Variants in SH3GL2 observed in about 807,000 individuals in gnomAD.
SH3GL2 encodes the protein SH3 domain containing GRB2 like 2, endophilin A1.
Under a neutral mutation model 46.0 loss-of-function variants are expected in SH3GL2, and 24 were observed. The observed-to-expected ratio is 0.52, with a 90% CI of 0.38 to 0.73. The LOEUF is 0.73. Among genes scored for constraint, SH3GL2 ranks in the 30% least tolerant of loss-of-function variants. The probability of loss-of-function intolerance (pLI) is 0.00; values close to 1 mark genes in which losing one functional copy is unlikely to be tolerated. For missense variants in SH3GL2, 413 were observed against 424.2 expected (o/e 0.97, Z 0.23); for synonymous variants, 196 against 147.1 (o/e 1.33, Z -2.40).
intron 1 of SH3GL2, among the ~76,000 whole-genome samples, chr9:17,705,661 A>G (rs921555203): frequency 4.6e-5 from 7 of 152,074 alleles, no homozygotes; most frequent in East Asian, 3.9e-4. Flanking sequence ...AGCAACATGC[A>G]TGGAGCTGGA....
At chr9:17,713,419 C>A (rs1413645076) in intron 1 of SH3GL2, among the ~76,000 whole-genome samples, 5 of 150,828 alleles carry the variant, frequency 3.3e-5, no homozygotes, top group African/African-American at 1.2e-4. Context: ...TGGCTTTGAG[C>A]TTTATTATTT....
At chr9:17,791,016 A>G (rs929829234) in intron 6 of SH3GL2, among the ~76,000 whole-genome samples, 3 of 152,164 alleles carry the variant, frequency 2.0e-5, no homozygotes, top group Non-Finnish European at 2.9e-5. Flanking sequence ...TGGTACTGAT[A>G]CGCATGATTC....
At chr9:17,677,353 C>G (rs143477522) in intron 1 of SH3GL2, among the ~76,000 whole-genome samples, 1 of 152,076 alleles carries the variant, frequency 6.6e-6, no homozygotes, top group Non-Finnish European at 1.5e-5. Flanking sequence ...ATACGGTACT[C>G]TCACATTGTG....
chr9:17,636,242 C>G (rs187195889), intron 1 of SH3GL2, among the ~76,000 whole-genome samples: 2 of 152,168 alleles, frequency 1.3e-5, no homozygotes, highest in Admixed American at 6.5e-5. Flanking sequence ...GAATGCATTT[C>G]TAGGCCCTAG....
intron 2 of SH3GL2, 102 bp from the exon 3 acceptor site, chr9:17,761,335 G>C (rs1823165260): frequency 5.3e-6 from 4 of 754,520 alleles, no homozygotes; most frequent in South Asian, 1.5e-5. Context: ...ACTTGTCCGG[G>C]GCTCTGTTGC....
intron 1 of SH3GL2, among the ~76,000 whole-genome samples, chr9:17,726,342 T>G (rs1310482474): frequency 1.3e-5 from 2 of 152,178 alleles, no homozygotes; most frequent in African/African-American, 4.8e-5. Context: ...GTTCCCTGTC[T>G]CCAGTAATAT....
At chr9:17,682,997 A>G (rs1173243906) in intron 1 of SH3GL2, among the ~76,000 whole-genome samples, 1 of 152,160 alleles carries the variant, frequency 6.6e-6, no homozygotes, top group African/African-American at 2.4e-5. Context: ...ATAGTATACA[A>G]AATGACTTTT....
At chr9:17,751,391 A>C (rs1390022462) in intron 2 of SH3GL2, among the ~76,000 whole-genome samples, 1 of 152,160 alleles carries the variant, frequency 6.6e-6, no homozygotes, top group Non-Finnish European at 1.5e-5. Context: ...TAATGAGTAG[A>C]AACCATGGGG....
chr9:17,665,496 C>G (rs1220952142), intron 1 of SH3GL2, among the ~76,000 whole-genome samples: 1 of 151,954 alleles, frequency 6.6e-6, no homozygotes, highest in African/African-American at 2.4e-5. Context: ...TAATAGTATT[C>G]AGGTGTTTAT....
At chr9:17,601,101 G>A (rs145616942) in intron 1 of SH3GL2, among the ~76,000 whole-genome samples, 1 of 152,122 alleles carries the variant, frequency 6.6e-6, no homozygotes, top group African/African-American at 2.4e-5. Context: ...CATGTGTGGT[G>A]GTGTTTCTAC....
At chr9:17,607,660 G>T (rs554489058) in intron 1 of SH3GL2, among the ~76,000 whole-genome samples, 2 of 152,242 alleles carry the variant, frequency 1.3e-5, no homozygotes, top group African/African-American at 4.8e-5. Flanking sequence ...ATGGTTCATT[G>T]TTCACATTCT....
chr9:17,746,195 C>T (rs999014562), intron 1 of SH3GL2, among the ~76,000 whole-genome samples: 1 of 152,154 alleles, frequency 6.6e-6, no homozygotes, highest in Non-Finnish European at 1.5e-5. Context: ...CCTGCCTCAG[C>T]CTCCTGAGTA....
chr9:17,790,452 C>A (rs1220667836), intron 6 of SH3GL2: 2 of 979,810 alleles, frequency 2.0e-6, no homozygotes, highest in East Asian at 2.3e-4. Flanking sequence ...GACTTTCCTA[C>A]CACCTGGAGA....
At chr9:17,636,795 C>T (rs943733675) in intron 1 of SH3GL2, among the ~76,000 whole-genome samples, 4 of 152,144 alleles carry the variant, frequency 2.6e-5, no homozygotes, top group African/African-American at 9.7e-5. Context: ...GTCTTTAATG[C>T]CCAAACCAAA....
At chr9:17,701,132 C>T (rs1443878258) in intron 1 of SH3GL2, among the ~76,000 whole-genome samples, 4 of 152,132 alleles carry the variant, frequency 2.6e-5, no homozygotes, top group African/African-American at 4.8e-5. Flanking sequence ...AATGGAGTCA[C>T]AAACCCAGCA....
chr9:17,641,267 C>T (rs558377938), intron 1 of SH3GL2, among the ~76,000 whole-genome samples: 3 of 152,272 alleles, frequency 2.0e-5, no homozygotes, highest in East Asian at 3.9e-4. Flanking sequence ...ACCATCTCCT[C>T]ACTATTCCTG....
intron 1 of SH3GL2, among the ~76,000 whole-genome samples, chr9:17,632,548 G>A (rs1819455618): frequency 6.6e-6 from 1 of 152,138 alleles, no homozygotes; most frequent in African/African-American, 2.4e-5. Flanking sequence ...ATTTGAAATT[G>A]TAGATGATGT....
rs568131394 is a variant in SH3GL2, at chr9:17,791,143, G to A, written c.625-88G>A. The A allele has an allele frequency of 1.8e-5, 16 of 883,590 alleles. 1 individual carries two copies. The South Asian group carries it at 2.2e-4, about 12-fold the overall frequency. 54.7% of individuals were successfully genotyped at this position (883,590 alleles called of 1,614,324 possible). ...ACCAACCAGGGGCTGTGTGTTGAGG[G>A]CAGCCCTGGTGTATGTATGAAACAG... On this transcript the variant is annotated intron_variant, in intron 6 of 8. Coordinates refer to ENST00000380607, the MANE Select transcript of SH3GL2 (RefSeq NM_003026.5).
At chr9:17,607,959 C>G (rs527665157) in intron 1 of SH3GL2, among the ~76,000 whole-genome samples, 1 of 152,190 alleles carries the variant, frequency 6.6e-6, no homozygotes, top group South Asian at 2.1e-4. Context: ...GCTAGGCATA[C>G]AATTATATGA....
Sources: allele counts gnomAD v4.1 joint callset (sites outside exome capture counted in the v4.1 genomes callset), GRCh38; gene constraint gnomAD v4.1.1; transcripts MANE v1.5; gene names NCBI Gene and HGNC (gene_info 2026-07-23, HGNC 2026-07-21).